ST18: variants seen among roughly 807,000 people sequenced by gnomAD.
The protein encoded by ST18 is suppression of tumorigenicity 18 protein.
ST18 carries 50 observed loss-of-function variants against 110.0 expected under a neutral mutation model. The observed-to-expected ratio is 0.45, with a 90% CI of 0.36 to 0.58. ST18 has a LOEUF of 0.58. Among genes scored for constraint, ST18 ranks in the 20% least tolerant of loss-of-function variants. The pLI, the probability that ST18 is intolerant of heterozygous loss-of-function variation, is 0.00. For synonymous variants in ST18, 461 were observed against 452.4 expected (o/e 1.02, Z -0.24); for missense variants, 1,306 against 1,280.1 (o/e 1.02, Z -0.31).
chr8:52,129,178 T>C (rs1389316588), intron 22 of ST18, among the ~76,000 whole-genome samples: 1 of 152,072 alleles, frequency 6.6e-6, no homozygotes, highest in East Asian at 1.9e-4. Context: ...CATTAAATTC[T>C]ACATAGGCCA....
intron 2 of ST18, among the ~76,000 whole-genome samples, chr8:52,323,166 T>C (rs1804768258): frequency 1.3e-5 from 2 of 152,156 alleles, no homozygotes; most frequent in Admixed American, 1.3e-4. Context: ...AAGCAACATG[T>C]CTAGAATTAT....
At chr8:52,399,740 A>T (rs1256116186) in intron 2 of ST18, among the ~76,000 whole-genome samples, 1 of 152,002 alleles carries the variant, frequency 6.6e-6, no homozygotes, top group Non-Finnish European at 1.5e-5. Flanking sequence ...GAATTTTTCA[A>T]GATTCCTCCT....
intron 2 of ST18, among the ~76,000 whole-genome samples, chr8:52,331,384 C>T (rs1024316186): frequency 1.3e-4 from 19 of 151,776 alleles, no homozygotes; most frequent in Middle Eastern, 3.5e-3. Flanking sequence ...CATATATCTC[C>T]TAAATTATGT....
intron 2 of ST18, among the ~76,000 whole-genome samples, chr8:52,233,998 C>T (rs185466695): frequency 6.6e-6 from 1 of 152,296 alleles, no homozygotes; most frequent in African/African-American, 2.4e-5. Context: ...TCTCCCCAGT[C>T]CCCACAACCC....
intron 2 of ST18, among the ~76,000 whole-genome samples, chr8:52,384,786 G>GGTGTGTGTGTGT (rs60638852): frequency 9.5e-5 from 14 of 147,386 alleles, no homozygotes; most frequent in Middle Eastern, 3.3e-3. Flanking sequence ...TGTGTACACA[G>GGTGTGTGTGTGT]GTGTGTGTGT....
chr8:52,139,325 TATA>T (rs2053852446), intron 17 of ST18, among the ~76,000 whole-genome samples: 2 of 43,830 alleles, frequency 4.6e-5, no homozygotes, highest in African/African-American at 1.6e-3. Context: ...CATTGCATTA[TATA>T]TATATATATA....
At chr8:52,322,020 C>T (rs1804167781) in intron 2 of ST18, among the ~76,000 whole-genome samples, 1 of 152,220 alleles carries the variant, frequency 6.6e-6, no homozygotes, top group Non-Finnish European at 1.5e-5. Flanking sequence ...CCCTCCCATC[C>T]ATATGGTGAC....
At chr8:52,278,088 T>C (rs1357603137) in intron 2 of ST18, among the ~76,000 whole-genome samples, 1 of 152,208 alleles carries the variant, frequency 6.6e-6, no homozygotes, top group Non-Finnish European at 1.5e-5. Flanking sequence ...CAATACCACA[T>C]TTACTAATGA....
At chr8:52,144,890 C>T (rs1247955506) in intron 16 of ST18, among the ~76,000 whole-genome samples, 1 of 152,040 alleles carries the variant, frequency 6.6e-6, no homozygotes, top group Non-Finnish European at 1.5e-5. Context: ...AGGCCTTAAA[C>T]CTGATAATTC....
At chr8:52,138,086 T>G (rs1282330153) in intron 17 of ST18, among the ~76,000 whole-genome samples, 4 of 129,742 alleles carry the variant, frequency 3.1e-5, no homozygotes, top group Non-Finnish European at 6.4e-5. Flanking sequence ...AGAGTAAAAC[T>G]CTGTCTCAAA....
chr8:52,288,920 A>G (rs1483071707), intron 2 of ST18, among the ~76,000 whole-genome samples: 6 of 152,032 alleles, frequency 3.9e-5, no homozygotes, highest in Non-Finnish European at 8.8e-5. Context: ...TGCTGACTCC[A>G]CCACTAGCTC....
At chr8:52,175,455 G>A (rs571052934) in intron 9 of ST18, among the ~76,000 whole-genome samples, 6 of 152,272 alleles carry the variant, frequency 3.9e-5, no homozygotes, top group African/African-American at 9.6e-5. Context: ...GTGAGTGCAC[G>A]ATATGCGATG....
intron 2 of ST18, among the ~76,000 whole-genome samples, chr8:52,386,667 T>C (rs1013573883): frequency 4.6e-5 from 7 of 152,184 alleles, no homozygotes; most frequent in East Asian, 1.9e-4. Context: ...TTATCTTTCC[T>C]TTTATTTTAA....
chr8:52,355,857 G>C (rs1387361129), intron 2 of ST18, among the ~76,000 whole-genome samples: 1 of 152,134 alleles, frequency 6.6e-6, no homozygotes, highest in Non-Finnish European at 1.5e-5. Flanking sequence ...TGCACAAATG[G>C]AACAGGGCTT....
intron 9 of ST18, among the ~76,000 whole-genome samples, chr8:52,177,938 C>T (rs1190373626): frequency 6.6e-6 from 1 of 152,144 alleles, no homozygotes; most frequent in Non-Finnish European, 1.5e-5. Context: ...ACAATGGTCA[C>T]CACTGCTGTA....
intron 8 of ST18, among the ~76,000 whole-genome samples, chr8:52,198,451 C>G (rs1464400500): frequency 1.3e-5 from 2 of 152,122 alleles, no homozygotes; most frequent in African/African-American, 4.8e-5. Context: ...ACAGGTTTTG[C>G]TAAATATGAA....
At chr8:52,293,004 G>A (rs893793345) in intron 2 of ST18, among the ~76,000 whole-genome samples, 2 of 152,302 alleles carry the variant, frequency 1.3e-5, no homozygotes, top group Admixed American at 1.3e-4. Context: ...TGTCTATACA[G>A]GTTTGGAAAT....
At chr8:52,229,632 A>G (rs1406094369) in intron 3 of ST18, 1 of 152,212 alleles carries the variant, frequency 6.6e-6, no homozygotes, top group African/African-American at 2.4e-5. Context: ...GAAAAATAGG[A>G]TAATCTCAAA....
chr8:52,266,540 CTTTTTTTTT>C (rs759084646), intron 2 of ST18, among the ~76,000 whole-genome samples: 1 of 131,310 alleles, frequency 7.6e-6, no homozygotes, highest in Non-Finnish European at 1.6e-5. Context: ...GTTTCTGCCA[CTTTTTTTTT>C]TTTTTTTTTT....
Sources: allele counts gnomAD v4.1 joint callset (sites outside exome capture counted in the v4.1 genomes callset), GRCh38; gene constraint gnomAD v4.1.1; transcripts MANE v1.5; gene names NCBI Gene and HGNC (gene_info 2026-07-23, HGNC 2026-07-21).